Variants in RYR3 observed in about 807,000 individuals in gnomAD.
RYR3 encodes the protein brain ryanodine receptor-calcium release channel.
In RYR3, 207 loss-of-function variants were observed where a neutral mutation model predicts 584.3. The observed-to-expected ratio is 0.35, with a 90% confidence interval of 0.32 to 0.40. The LOEUF is 0.40. RYR3 is among the 10% of genes least tolerant of loss of function. The probability of loss-of-function intolerance (pLI) is 1.00; values close to 1 mark genes in which losing one functional copy is unlikely to be tolerated. For missense variants in RYR3, 5,616 were observed against 6,089.2 expected (o/e 0.92, Z 2.59); for synonymous variants, 2,416 against 2,248.5 (o/e 1.07, Z -2.11).
chr15:33,718,799 A>G (rs2067687180), intron 43 of RYR3, among the ~76,000 whole-genome samples: 1 of 148,282 alleles, frequency 6.7e-6, no homozygotes, highest in African/African-American at 2.6e-5. Context: ...GGAACATCGA[A>G]AAGAAAACAG....
intron 16 of RYR3, among the ~76,000 whole-genome samples, chr15:33,586,407 G>A (rs1195096870): frequency 1.3e-5 from 2 of 152,070 alleles, no homozygotes; most frequent in African/African-American, 4.8e-5. Flanking sequence ...TCTGCACATG[G>A]CCAACCGTAT....
chr15:33,863,573 G>C (rs1389616315), intron 102 of RYR3, among the ~76,000 whole-genome samples: 2 of 152,154 alleles, frequency 1.3e-5, no homozygotes, highest in Non-Finnish European at 2.9e-5. Context: ...GGATACTTAT[G>C]TGTCACAGAC....
intron 1 of RYR3, among the ~76,000 whole-genome samples, chr15:33,435,854 A>G (rs745701081): frequency 6.6e-5 from 10 of 152,216 alleles, no homozygotes; most frequent in African/African-American, 9.7e-5. Context: ...AAGCTTCCAC[A>G]GCGTGGCAAG....
intron 1 of RYR3, among the ~76,000 whole-genome samples, chr15:33,402,205 A>G (rs2042724410): frequency 6.6e-6 from 1 of 152,220 alleles, no homozygotes; most frequent in Non-Finnish European, 1.5e-5. Flanking sequence ...ATCCGGTAGG[A>G]AAGAAATTAT....
At chr15:33,754,002 A>G (rs183725021) in intron 57 of RYR3, among the ~76,000 whole-genome samples, 1 of 152,270 alleles carries the variant, frequency 6.6e-6, no homozygotes, top group East Asian at 1.9e-4. Flanking sequence ...AAAATTAGCC[A>G]GGAATGATGG....
intron 57 of RYR3, among the ~76,000 whole-genome samples, chr15:33,750,522 A>G (rs543695693): frequency 6.6e-6 from 1 of 152,236 alleles, no homozygotes; most frequent in African/African-American, 2.4e-5. Context: ...CATACCTTAA[A>G]CATTTCATTG....
chr15:33,717,598 A>G (rs2067593403), intron 43 of RYR3, among the ~76,000 whole-genome samples: 1 of 152,228 alleles, frequency 6.6e-6, no homozygotes, highest in Non-Finnish European at 1.5e-5. Flanking sequence ...TGTAGGAGGA[A>G]CTGAATTCCC....
At chr15:33,468,788 T>A (rs1459276597) in intron 1 of RYR3, among the ~76,000 whole-genome samples, 1 of 152,188 alleles carries the variant, frequency 6.6e-6, no homozygotes, top group Admixed American at 6.6e-5. Context: ...GGCAGAAATG[T>A]GAATCAGATG....
At chr15:33,629,700 G>A (rs895940859) in intron 21 of RYR3, among the ~76,000 whole-genome samples, 2 of 152,176 alleles carry the variant, frequency 1.3e-5, no homozygotes, top group African/African-American at 4.8e-5. Flanking sequence ...CGGAAAGTAT[G>A]TTCAAAATGC....
intron 93 of RYR3, among the ~76,000 whole-genome samples, chr15:33,846,597 T>G (rs2078738866): frequency 6.6e-6 from 1 of 152,204 alleles, no homozygotes; most frequent in South Asian, 2.1e-4. Context: ...TCCTATATTG[T>G]GGTCCTTTCT....
intron 32 of RYR3, among the ~76,000 whole-genome samples, chr15:33,656,883 C>A (rs2062848489): frequency 6.7e-6 from 1 of 150,138 alleles, no homozygotes; most frequent in Non-Finnish European, 1.5e-5. Flanking sequence ...AAACTCCTGC[C>A]TTTAGAAGCC....
At chr15:33,366,207 T>C (rs1975475266) in intron 1 of RYR3, among the ~76,000 whole-genome samples, 2 of 152,140 alleles carry the variant, frequency 1.3e-5, no homozygotes, top group African/African-American at 2.4e-5. Flanking sequence ...GTTTTATGAA[T>C]TAATTAACTT....
intron 53 of RYR3, among the ~76,000 whole-genome samples, chr15:33,747,507 C>T (rs892657188): frequency 2.2e-5 from 3 of 137,642 alleles, no homozygotes; most frequent in Admixed American, 1.6e-4. Context: ...TCAGTGCAAG[C>T]TTCATCTCCT....
Position 33,843,537 on chromosome 15 carries a change from T to G in RYR3, c.13259T>G (p.Val4420Gly), listed in dbSNP as rs371411997. 6.2e-7 allele frequency: 1 copy of G among 1,601,858 alleles called. No homozygotes were observed. The highest frequency in any genetic ancestry group is 1.7e-5 in the Admixed American group (1 of 58,502). Residue 4420 changes from valine to glycine, a missense_variant, in exon 92 of 104, where the codon GTA (valine) becomes GGA (glycine). Val to Gly is a moderately radical substitution (Grantham distance 109). This residue lies in a region of RYR3 where 918 missense variants were observed against 887.4 expected (regional missense o/e 1.03). Transcript: ENST00000634891. ...FYNLRFLALF[V>G]AFAINFILLF... ...AACCTGAGGTTCCTTGCTCTGTTTG[T>G]AGCCTTCGCTATCAACTTCATCCTG...
intron 4 of RYR3, among the ~76,000 whole-genome samples, chr15:33,531,647 A>ATATATATTT (rs34666972): frequency 7.3e-6 from 1 of 137,562 alleles, no homozygotes; most frequent in African/African-American, 2.6e-5. Context: ...ATATATATAT[A>ATATATATTT]TTTTTTTTTC....
At chr15:33,460,483 T>C (rs1402894810) in intron 1 of RYR3, among the ~76,000 whole-genome samples, 1 of 152,214 alleles carries the variant, frequency 6.6e-6, no homozygotes, top group Non-Finnish European at 1.5e-5. Flanking sequence ...TTTACACCAC[T>C]ACTTACTAAA....
At chr15:33,529,905 A>T (rs1267352599) in intron 3 of RYR3, among the ~76,000 whole-genome samples, 2 of 152,192 alleles carry the variant, frequency 1.3e-5, no homozygotes, top group Non-Finnish European at 2.9e-5. Flanking sequence ...CAGTGGCTTT[A>T]TGTCGGGCCA....
At chr15:33,346,872 G>A (rs769979804) in intron 1 of RYR3, among the ~76,000 whole-genome samples, 1 of 152,112 alleles carries the variant, frequency 6.6e-6, no homozygotes, top group Non-Finnish European at 1.5e-5. Context: ...GAAGGCTTAG[G>A]TGGGAGGGTT....
At chr15:33,754,954 G>A in intron 57 of RYR3, 111 bp from the exon 58 acceptor site, 1 of 659,878 alleles carries the variant, frequency 1.5e-6, no homozygotes, top group South Asian at 1.8e-5. Context: ...CACTACGCCA[G>A]AATAACCACT....
Sources: allele counts gnomAD v4.1 joint callset (sites outside exome capture counted in the v4.1 genomes callset), GRCh38; gene constraint gnomAD v4.1.1; regional missense constraint gnomAD v4.1.1; transcripts MANE v1.5; gene names NCBI Gene and HGNC (gene_info 2026-07-23, HGNC 2026-07-21).